ZFAND2A: variants seen among roughly 807,000 people sequenced by gnomAD.
ZFAND2A encodes the protein zinc finger AN1-type containing 2A.
Under a neutral mutation model 11.6 loss-of-function variants are expected in ZFAND2A, and 20 were observed. That is an observed-to-expected ratio of 1.72 (90% CI 1.21 to 2.50). The LOEUF (loss-of-function observed/expected upper bound fraction) is 2.50, where lower values mean the gene tolerates loss of function less well. Ranked by LOEUF, ZFAND2A falls within the 30% of genes most tolerant of loss-of-function variation. The pLI is 0.00. For missense variants in ZFAND2A, 234 were observed against 182.9 expected (o/e 1.28, Z -1.61); for synonymous variants, 93 against 60.6 (o/e 1.54, Z -2.48).
downstream of ZFAND2A, among the ~76,000 whole-genome samples, chr7:1,152,627 A>C (rs1373808743): frequency 6.6e-6 from 1 of 152,072 alleles, no homozygotes; most frequent in Non-Finnish European, 1.5e-5. Flanking sequence ...CGACTGTGGG[A>C]TCACATGACC....
At position 1,153,110 on chromosome 7, in the gene ZFAND2A, T is replaced by C. The variant is rs745473576; in HGVS notation, c.397A>G (p.Ser133Gly). ...CIQHRHPLDH[S>G]CRHGSRPTIK... ...GTGGGGCGACTCCCGTGTCTGCAGC[T>C]GTGGTCCAAAGGGTGTCTGTGCTGG... Residue 133 changes from serine to glycine, a missense_variant, in exon 5 of 5, where the codon AGC becomes GGC. By Grantham distance (56) the Ser-to-Gly change is moderately conservative. Transcript: ENST00000316495. 6.2e-7 allele frequency: 1 copy of C among 1,614,216 alleles called. No homozygotes were observed. Among genetic ancestry groups the C allele is most frequent in the East Asian group, 2.2e-5 (1 of 44,884 alleles).
chr7:1,150,628 G>A (rs1178788709), downstream of ZFAND2A, among the ~76,000 whole-genome samples: 1 of 152,168 alleles, frequency 6.6e-6, no homozygotes, highest in Non-Finnish European at 1.5e-5. Flanking sequence ...AAAGGACTGT[G>A]CACCTCACTA....
Position 1,158,257 on chromosome 7 carries a change from C to T in ZFAND2A, c.-45G>A, listed in dbSNP as rs376701981. ...ACGCAGATGGCGGAGTTAAGTGTCA[C>T]CTACAAGAGAATCAGAATAGTTAGG... On this transcript the variant is annotated splice_region_variant and 5_prime_UTR_variant, in exon 2 of 5. In the 5' UTR this introduces an upstream ATG that the reference lacks. Coordinates refer to ENST00000316495, the MANE Select transcript of ZFAND2A (RefSeq NM_182491.4). 173 of 1,574,596 alleles carry T rather than the reference C, an allele frequency of 1.1e-4. No individual in the cohort carries two copies. Among genetic ancestry groups the T allele is most frequent in the Non-Finnish European group, 1.5e-4 (169 of 1,146,326 alleles).
At chr7:1,156,086 G>A (rs986403663) in intron 3 of ZFAND2A, among the ~76,000 whole-genome samples, 1 of 152,262 alleles carries the variant, frequency 6.6e-6, no homozygotes, top group Non-Finnish European at 1.5e-5. Context: ...GCAGGCCAAG[G>A]TTGTGAGGGC....
downstream of ZFAND2A, among the ~76,000 whole-genome samples, chr7:1,151,787 A>T (rs1189988959): frequency 6.6e-6 from 1 of 151,254 alleles, no homozygotes; most frequent in Non-Finnish European, 1.5e-5. Context: ...AAAGCCAGCC[A>T]GCATTGAAGC....
downstream of ZFAND2A, chr7:1,152,162 G>A: frequency 8.2e-6 from 12 of 1,467,992 alleles, no homozygotes; most frequent in Non-Finnish European, 1.1e-5. Context: ...GCGTCACACT[G>A]TGCAGTTACA....
intron 3 of ZFAND2A, among the ~76,000 whole-genome samples, chr7:1,156,171 TGAAGGCCCAGCAAGGCTAAA>T (rs1793524251): frequency 1.8e-5 from 2 of 108,718 alleles, no homozygotes; most frequent in Non-Finnish European, 1.8e-5. Flanking sequence ...GCCCAGCAGC[TGAAGGCCCAGCAAGGCTAAA>T]AACCTGAGCT....
chr7:1,156,616 G>C (rs1028589441), intron 3 of ZFAND2A, among the ~76,000 whole-genome samples: 4 of 152,204 alleles, frequency 2.6e-5, no homozygotes, highest in Non-Finnish European at 5.9e-5. Flanking sequence ...AGCAGCTAAC[G>C]CCCAGCATGG....
downstream of ZFAND2A, among the ~76,000 whole-genome samples, chr7:1,150,691 T>G (rs1231298061): frequency 1.3e-5 from 2 of 152,050 alleles, no homozygotes; most frequent in Non-Finnish European, 2.9e-5. Context: ...TAAAACCCAG[T>G]CTCCTGTAAT....
In ZFAND2A at chr7:1,160,089, G is replaced by C. The variant is rs1226122563; in HGVS notation, c.-171C>G. ...GAAAGAACCTCGACACTGGCACCGA[G>C]ACGCCGTCGGAGGCACACCCACACC... is the stretch of plus-strand genomic sequence containing the variant. On this transcript the variant is annotated 5_prime_UTR_variant, in exon 1 of 5. Transcript: ENST00000316495. The C allele has an allele frequency of 6.5e-6, 1 of 153,038 alleles. No homozygotes were observed. The highest frequency in any genetic ancestry group is 6.5e-5 in the Admixed American group (1 of 15,288). 9.5% of individuals were successfully genotyped at this position (153,038 alleles called of 1,614,324 possible).
chr7:1,157,605 T>C (rs1245188571), intron 3 of ZFAND2A, 51 bp downstream of exon 3: 7 of 1,520,628 alleles, frequency 4.6e-6, no homozygotes, highest in Non-Finnish European at 6.2e-6. Context: ...AGCAAGACAG[T>C]GCAGCTTCAG....
intron 1 of ZFAND2A, among the ~76,000 whole-genome samples, chr7:1,158,553 G>A (rs1187944041): frequency 6.6e-6 from 1 of 152,148 alleles, no homozygotes; most frequent in Admixed American, 6.5e-5. Context: ...TGATGATTAC[G>A]ACTTTGGTGA....
At chr7:1,154,548 A>C (rs1454568724) in intron 4 of ZFAND2A, among the ~76,000 whole-genome samples, 2 of 152,186 alleles carry the variant, frequency 1.3e-5, no homozygotes, top group African/African-American at 2.4e-5. Context: ...TCAGAGGCTT[A>C]AGAGACCTCC....
intron 4 of ZFAND2A, 126 bp downstream of exon 4, chr7:1,155,327 G>C (rs935232940): frequency 7.2e-7 from 1 of 1,382,880 alleles, no homozygotes; most frequent in African/African-American, 1.5e-5. Context: ...ATAACGCAGC[G>C]TTAGGACTCT....
At chr7:1,157,442 G>A (rs1460228925) in intron 3 of ZFAND2A, 3 of 438,560 alleles carry the variant, frequency 6.8e-6, no homozygotes, top group Non-Finnish European at 8.2e-6. Context: ...AGTTGTCTGA[G>A]AGTCATCCAA....
At chr7:1,157,627 G>C in intron 3 of ZFAND2A, 29 bp downstream of exon 3, 1 of 1,567,636 alleles carries the variant, frequency 6.4e-7, no homozygotes, top group African/African-American at 1.4e-5. Context: ...CGGTGAAGAT[G>C]AGAATCTTTT....
chr7:1,158,091 T>A, intron 2 of ZFAND2A, 67 bp downstream of exon 2: 1 of 1,482,958 alleles, frequency 6.7e-7, no homozygotes. Context: ...TATCAGCTAA[T>A]TAACAGAACA....
downstream of ZFAND2A, chr7:1,152,149 A>G: frequency 5.1e-6 from 7 of 1,384,770 alleles, no homozygotes; most frequent in Non-Finnish European, 6.7e-6. Context: ...CCACTGGAGC[A>G]TCGCGTCACA....
At chr7:1,159,406 C>A (rs1035750991) in intron 1 of ZFAND2A, among the ~76,000 whole-genome samples, 23 of 152,206 alleles carry the variant, frequency 1.5e-4, no homozygotes, top group Non-Finnish European at 2.8e-4. Context: ...CCCGTGCGAC[C>A]CGGTACTACG....
Sources: allele counts gnomAD v4.1 joint callset (sites outside exome capture counted in the v4.1 genomes callset), GRCh38; gene constraint gnomAD v4.1.1; transcripts MANE v1.5; gene names NCBI Gene and HGNC (gene_info 2026-07-23, HGNC 2026-07-21).